The following CDC40 variants were observed in gnomAD, a reference collection of about 807,000 sequenced individuals.
CDC40 encodes the protein pre-mRNA-processing factor 17.
In CDC40, 27 loss-of-function variants were observed where a neutral mutation model predicts 80.6. The observed-to-expected ratio is 0.33, with a 90% confidence interval of 0.25 to 0.46. The LOEUF (loss-of-function observed/expected upper bound fraction) is 0.46, where lower values mean the gene tolerates loss of function less well. CDC40 is among the 20% of genes least tolerant of loss of function. CDC40 has a pLI of 1.00. For missense variants in CDC40, 486 were observed against 694.1 expected, an observed-to-expected ratio of 0.70 and a Z score of 3.37; for synonymous variants, 221 against 232.6, an observed-to-expected ratio of 0.95 and a Z score of 0.45.
intron 1 of CDC40, among the ~76,000 whole-genome samples, chr6:110,183,211 C>T (rs1777223083): frequency 6.6e-6 from 1 of 152,182 alleles, no homozygotes; most frequent in Non-Finnish European, 1.5e-5. Flanking sequence ...ATTGCTGTAA[C>T]TTGTTCATCT....
intron 7 of CDC40, among the ~76,000 whole-genome samples, chr6:110,212,781 C>G (rs1293728507): frequency 6.6e-6 from 1 of 152,072 alleles, no homozygotes; most frequent in Non-Finnish European, 1.5e-5. Flanking sequence ...TAATTTCCAA[C>G]TCTTTGCAAA....
At chr6:110,204,434 TG>T (rs146617133) in intron 3 of CDC40, among the ~76,000 whole-genome samples, 6,630 of 152,304 alleles carry the variant, frequency 0.044, 179 homozygotes, top group African/African-American at 0.068. Flanking sequence ...AAAAATGTGA[TG>T]TATGTTATGC....
chr6:110,210,476 G>A (rs993655866), intron 5 of CDC40, among the ~76,000 whole-genome samples: 17 of 149,516 alleles, frequency 1.1e-4, no homozygotes, highest in Admixed American at 6.0e-4. Context: ...GCTTGAACTA[G>A]GAAGAGGGAG....
At chr6:110,209,297 C>T (rs1777603096) in intron 5 of CDC40, 74 bp downstream of exon 5, 1 of 1,342,904 alleles carries the variant, frequency 7.4e-7, no homozygotes. Flanking sequence ...CATTAATAAA[C>T]TTGAGATTTC....
chr6:110,213,213 ATC>A, intron 8 of CDC40, 53 bp downstream of exon 8: 1 of 1,125,706 alleles, frequency 8.9e-7, no homozygotes. Flanking sequence ...CTTTGTTTAA[ATC>A]TGTTTGATTA....
At chr6:110,211,854 AGATGTGTAAGT>A (rs1777640979) in intron 6 of CDC40, 2 of 256,938 alleles carry the variant, frequency 7.8e-6, no homozygotes, top group Non-Finnish European at 1.5e-5. Flanking sequence ...TAGATCACTA[AGATGTGTAAGT>A]GATGAAAAGA....
At chr6:110,227,815 C>G (rs557415109) in intron 13 of CDC40, among the ~76,000 whole-genome samples, 1 of 152,300 alleles carries the variant, frequency 6.6e-6, no homozygotes, top group Non-Finnish European at 1.5e-5. Flanking sequence ...TATGCAAATA[C>G]TATGCCATTT....
At chr6:110,183,181 T>G (rs1285097357) in intron 1 of CDC40, among the ~76,000 whole-genome samples, 1 of 152,226 alleles carries the variant, frequency 6.6e-6, no homozygotes, top group Non-Finnish European at 1.5e-5. Flanking sequence ...TTATCATATC[T>G]TAACTATAGC....
At chr6:110,193,973 A>G (rs1390409214) in intron 2 of CDC40, among the ~76,000 whole-genome samples, 2 of 152,218 alleles carry the variant, frequency 1.3e-5, no homozygotes, top group Non-Finnish European at 2.9e-5. Flanking sequence ...ATCTAATTAC[A>G]GATGCCCCTG....
At chr6:110,190,762 C>CA (rs1181382242) in intron 1 of CDC40, among the ~76,000 whole-genome samples, 1 of 152,054 alleles carries the variant, frequency 6.6e-6, no homozygotes, top group African/African-American at 2.4e-5. Flanking sequence ...GGTGGGAGCC[C>CA]AGTGGGCACG....
intron 8 of CDC40, among the ~76,000 whole-genome samples, chr6:110,213,477 C>A (rs1777662995): frequency 6.6e-6 from 1 of 151,344 alleles, no homozygotes; most frequent in African/African-American, 2.4e-5. Context: ...GCAAGCTTCG[C>A]CTCCCGGGTT....
At chr6:110,180,785 G>C (rs1777174653) in intron 1 of CDC40, 152 bp downstream of exon 1, 2 of 627,386 alleles carry the variant, frequency 3.2e-6, no homozygotes, top group South Asian at 3.9e-5. Flanking sequence ...ATGCATCCTC[G>C]GGAGAGGCAG....
chr6:110,226,322 C>A, intron 13 of CDC40, 79 bp downstream of exon 13: 1 of 849,708 alleles, frequency 1.2e-6, no homozygotes, highest in Non-Finnish European at 1.9e-6. Context: ...GAACTTTGGC[C>A]CCTTCCTTCT....
intron 1 of CDC40, among the ~76,000 whole-genome samples, chr6:110,182,086 T>G (rs949521585): frequency 3.5e-4 from 53 of 152,340 alleles, no homozygotes; most frequent in African/African-American, 1.3e-3. Flanking sequence ...GAATTAAGAC[T>G]GTAATTCAAA....
intron 8 of CDC40, 36 bp from the exon 9 acceptor site, chr6:110,215,250 G>T (rs755792897): frequency 6.4e-7 from 1 of 1,571,324 alleles, no homozygotes; most frequent in Admixed American, 1.7e-5. Context: ...TTTATTAAAT[G>T]TAATATTTCC....
intron 3 of CDC40, among the ~76,000 whole-genome samples, chr6:110,204,275 G>T (rs1360425834): frequency 2.0e-5 from 3 of 152,140 alleles, no homozygotes; most frequent in Non-Finnish European, 2.9e-5. Flanking sequence ...GCCTCCCAAA[G>T]TGCTGGGATT....
intron 10 of CDC40, among the ~76,000 whole-genome samples, chr6:110,218,598 A>G (rs1366406769): frequency 6.6e-6 from 1 of 152,204 alleles, no homozygotes; most frequent in Non-Finnish European, 1.5e-5. Flanking sequence ...GCACTTTAGC[A>G]GTGGTTCTCA....
chr6:110,191,189 G>A (rs1562199777), intron 1 of CDC40, among the ~76,000 whole-genome samples: 1 of 152,206 alleles, frequency 6.6e-6, no homozygotes, highest in East Asian at 1.9e-4. Flanking sequence ...CTTATGGTAT[G>A]GTATTATTTT....
At chr6:110,195,095 G>T (rs969993989) in intron 2 of CDC40, among the ~76,000 whole-genome samples, 4 of 152,142 alleles carry the variant, frequency 2.6e-5, no homozygotes, top group Non-Finnish European at 4.4e-5. Context: ...ATTGTTCCTG[G>T]TTGCCAAATG....
Sources: allele counts gnomAD v4.1 joint callset (sites outside exome capture counted in the v4.1 genomes callset), GRCh38; gene constraint gnomAD v4.1.1; transcripts MANE v1.5; gene names NCBI Gene and HGNC (gene_info 2026-07-23, HGNC 2026-07-21).